MSN: variants seen among roughly 807,000 people sequenced by gnomAD.
MSN encodes the protein epididymis luminal protein 70.
In MSN, 2 loss-of-function variants were observed where a neutral mutation model predicts 48.0. That is an observed-to-expected ratio of 0.04 (90% CI 0.02 to 0.13). The LOEUF (loss-of-function observed/expected upper bound fraction) is 0.13, where lower values mean the gene tolerates loss of function less well. Among genes scored for constraint, MSN ranks in the 10% least tolerant of loss-of-function variants. The pLI is 1.00. For synonymous variants in MSN, 146 were observed against 166.9 expected (o/e 0.87, Z 0.97); for missense variants, 267 against 470.1 (o/e 0.57, Z 3.99).
intron 1 of MSN, among the ~76,000 whole-genome samples, chrX:65,610,140 T>C (rs368998083): frequency 3.5e-4 from 39 of 111,971 alleles, no homozygotes; most frequent in East Asian, 1.4e-3. Context: ...TTTTCAAGTG[T>C]TCAATTCAGT....
chrX:65,661,525 A>G (rs999224666), intron 1 of MSN, among the ~76,000 whole-genome samples: 6 of 112,040 alleles, frequency 5.4e-5, no homozygotes, highest in African/African-American at 1.9e-4. Flanking sequence ...GTATTTTGTT[A>G]AGGACTTTTG....
At chrX:65,680,933 TAG>T (rs1036786441) in intron 1 of MSN, among the ~76,000 whole-genome samples, 9 of 109,787 alleles carry the variant, frequency 8.2e-5, no homozygotes, top group African/African-American at 3.0e-4. Flanking sequence ...ATTTTTTTAG[TAG>T]AGAAAGGGTT....
At chrX:65,638,258 T>A (rs1462273860) in intron 1 of MSN, among the ~76,000 whole-genome samples, 1 of 112,479 alleles carries the variant, frequency 8.9e-6, no homozygotes, top group Non-Finnish European at 1.9e-5. Context: ...TCCCTCTGCC[T>A]AGAATGAATT....
At chrX:65,675,628 A>T (rs2148386998) in intron 1 of MSN, among the ~76,000 whole-genome samples, 2 of 110,595 alleles carry the variant, frequency 1.8e-5, no homozygotes, top group African/African-American at 6.6e-5. Context: ...GGTTTTCCAG[A>T]ATTGGGCAAA....
chrX:65,694,655 G>A (rs922280659), intron 1 of MSN, among the ~76,000 whole-genome samples: 2 of 112,249 alleles, frequency 1.8e-5, no homozygotes, highest in African/African-American at 6.5e-5. Flanking sequence ...TTTAATAGAT[G>A]AGGAAACTGA....
intron 1 of MSN, among the ~76,000 whole-genome samples, chrX:65,608,145 G>C (rs1226406861): frequency 9.0e-6 from 1 of 111,541 alleles, no homozygotes; most frequent in East Asian, 2.8e-4. Flanking sequence ...AACAAGGAAA[G>C]GGGGTGGGAA....
chrX:65,683,097 C>G (rs1056520122), intron 1 of MSN, among the ~76,000 whole-genome samples: 2 of 112,686 alleles, frequency 1.8e-5, no homozygotes, highest in Non-Finnish European at 3.7e-5. Flanking sequence ...TTCTGTCCAC[C>G]TTTGTGAAGT....
chrX:65,653,998 A>C (rs186609944), intron 1 of MSN, among the ~76,000 whole-genome samples: 1 of 107,452 alleles, frequency 9.3e-6, no homozygotes, highest in Non-Finnish European at 1.9e-5. Context: ...CTGGTCTTGA[A>C]CTCCTGACCT....
intron 1 of MSN, among the ~76,000 whole-genome samples, chrX:65,629,678 A>G (rs565185871): frequency 1.8e-5 from 2 of 111,833 alleles, no homozygotes; most frequent in Middle Eastern, 9.2e-3. Context: ...GGAAGAAGCA[A>G]AAGCAGAAAC....
At chrX:65,738,665 T>C (rs1368090286) in intron 11 of MSN, 48 bp downstream of exon 11, 1 of 1,090,623 alleles carries the variant, frequency 9.2e-7, no homozygotes, top group African/African-American at 1.8e-5. Context: ...GGGTGCCATA[T>C]GCATAGGTAA....
At chrX:65,668,697 TA>T (rs1442114224) in intron 1 of MSN, among the ~76,000 whole-genome samples, 5 of 111,305 alleles carry the variant, frequency 4.5e-5, no homozygotes, top group African/African-American at 1.6e-4. Context: ...GGAGTGGGGA[TA>T]GGGGGGCCGG....
At position 65,615,294 on chromosome X, in the gene MSN, C is replaced by G. The variant is rs1183836525; in HGVS notation, c.-22+26682C>G. Reference sequence around the variant, plus strand: ...GGAATCGCCACACTGACTTCCACAACGGTTGAACTAGTTTACAGTCCCACC... The same window carrying G: ...GGAATCGCCACACTGACTTCCACAAGGGTTGAACTAGTTTACAGTCCCACC... On this transcript the variant is annotated intron_variant, in intron 1 of 3. Coordinates refer to the MSN transcript ENST00000609672. 6.6e-4 allele frequency among the ~76,000 whole-genome samples: 71 copies of G among 107,964 alleles called. 1 individual carries two copies. In the Middle Eastern group the frequency reaches 0.019, roughly 29 times the overall value. 93.8% of individuals were successfully genotyped at this position (107,964 alleles called of 115,157 possible). A position where few individuals can be genotyped will look rare whatever the true frequency, so the allele number is the denominator to read the frequency against.
chrX:65,659,552 C>T (rs1407147131), intron 1 of MSN, among the ~76,000 whole-genome samples: 1 of 111,656 alleles, frequency 9.0e-6, no homozygotes, highest in Non-Finnish European at 1.9e-5. Flanking sequence ...CCCAAGGAAT[C>T]CTGAGCCTTT....
chrX:65,591,836 C>A (rs1446573017), intron 1 of MSN, among the ~76,000 whole-genome samples: 1 of 111,106 alleles, frequency 9.0e-6, no homozygotes, highest in Non-Finnish European at 1.9e-5. Context: ...CCCTTCCATC[C>A]CCTCATCCCT....
chrX:65,700,420 C>G (rs2071290894), intron 1 of MSN, among the ~76,000 whole-genome samples: 1 of 112,097 alleles, frequency 8.9e-6, no homozygotes, highest in Non-Finnish European at 1.9e-5. Context: ...TCCAGCCTCT[C>G]TCCTCTGGTG....
At chrX:65,713,681 A>C (rs188840243) in intron 1 of MSN, among the ~76,000 whole-genome samples, 3 of 112,005 alleles carry the variant, frequency 2.7e-5, no homozygotes, top group African/African-American at 9.7e-5. Flanking sequence ...AGGTAAACTC[A>C]TGTCATGGGG....
chrX:65,736,759 G>A, intron 8 of MSN, 36 bp from the exon 9 acceptor site: 1 of 1,159,780 alleles, frequency 8.6e-7, no homozygotes, highest in Non-Finnish European at 1.2e-6. Context: ...GTGGAGCGTT[G>A]TTATCCTGTT....
intron 1 of MSN, among the ~76,000 whole-genome samples, chrX:65,639,095 T>C (rs1205523732): frequency 1.8e-5 from 2 of 112,467 alleles, no homozygotes; most frequent in South Asian, 3.6e-4. Flanking sequence ...ATTATAAGCT[T>C]CATTTTTCAG....
intron 1 of MSN, among the ~76,000 whole-genome samples, chrX:65,650,150 C>G (rs1159653536): frequency 9.6e-6 from 1 of 104,030 alleles, no homozygotes; most frequent in Admixed American, 1.0e-4. Flanking sequence ...GCAAACTCCC[C>G]CTCCTGGATT....
Sources: allele counts gnomAD v4.1 joint callset (sites outside exome capture counted in the v4.1 genomes callset), GRCh38; gene constraint gnomAD v4.1.1; transcripts MANE v1.5; gene names NCBI Gene and HGNC (gene_info 2026-07-23, HGNC 2026-07-21).